MAML2: variants seen among roughly 807,000 people sequenced by gnomAD.
MAML2 encodes the protein mastermind like transcriptional coactivator 2, also known as mastermind-like protein 2.
In MAML2, 22 loss-of-function variants were observed where a neutral mutation model predicts 96.1. The ratio of observed to expected loss-of-function variants is 0.23; its 90% confidence interval spans 0.16 to 0.33. The LOEUF (loss-of-function observed/expected upper bound fraction) is 0.33. Among genes scored for constraint, MAML2 ranks in the 10% least tolerant of loss-of-function variants. The probability of loss-of-function intolerance (pLI) is 1.00; values close to 1 mark genes in which losing one functional copy is unlikely to be tolerated. For missense variants in MAML2, 1,367 were observed against 1,392.4 expected (o/e 0.98, Z 0.29); for synonymous variants, 561 against 521.3 (o/e 1.08, Z -1.04).
chr11:96,152,742 T>A (rs1860944004), intron 1 of MAML2, among the ~76,000 whole-genome samples: 1 of 152,238 alleles, frequency 6.6e-6, no homozygotes, highest in Admixed American at 6.5e-5. Context: ...GTTCACAGAA[T>A]GCTGATTTGG....
At chr11:96,051,904 G>T (rs924441385) in intron 2 of MAML2, among the ~76,000 whole-genome samples, 2 of 152,130 alleles carry the variant, frequency 1.3e-5, no homozygotes, top group Non-Finnish European at 2.9e-5. Flanking sequence ...GTTCTGAAGG[G>T]CCTGGCTCAC....
At chr11:96,331,791 G>A (rs1350109090) in intron 1 of MAML2, among the ~76,000 whole-genome samples, 4 of 147,598 alleles carry the variant, frequency 2.7e-5, no homozygotes, top group African/African-American at 1.0e-4. Flanking sequence ...GCACTCCAGC[G>A]TGGGCGAAAG....
At chr11:96,204,936 G>A (rs1465621323) in intron 1 of MAML2, among the ~76,000 whole-genome samples, 2 of 152,160 alleles carry the variant, frequency 1.3e-5, no homozygotes, top group East Asian at 3.8e-4. Context: ...TGATCGGAGG[G>A]CCTCTTGAAA....
intron 1 of MAML2, among the ~76,000 whole-genome samples, chr11:96,336,759 G>A (rs1863925589): frequency 6.6e-6 from 1 of 152,024 alleles, no homozygotes; most frequent in Non-Finnish European, 1.5e-5. Flanking sequence ...GCTAATTATG[G>A]CCACTCTTTT....
At position 96,243,310 on chromosome 11, in the gene MAML2, G is replaced by C. The variant is rs191466966; in HGVS notation, c.513+98073C>G. On this transcript the variant is annotated intron_variant, in intron 1 of 4. Transcript: ENST00000524717. The stretch of plus-strand genomic sequence containing the variant: ...CCTCCAGACCAATGAGAAGGAAGCA[G>C]AGCAAGGAGGCGGGGGAGGCGGGGT... Among the ~76,000 whole-genome samples the C allele has an allele frequency of 5.6e-3, 853 of 152,368 alleles. 3 individuals are homozygous for C. The highest frequency in any genetic ancestry group is 9.7e-3 in the Non-Finnish European group (662 of 68,034).
chr11:96,309,046 CAG>C (rs772529458), intron 1 of MAML2, among the ~76,000 whole-genome samples: 17 of 152,222 alleles, frequency 1.1e-4, no homozygotes, highest in Non-Finnish European at 2.4e-4. Flanking sequence ...TTCAGCAAAA[CAG>C]AGAAGTAAAA....
At chr11:96,216,057 T>G (rs1263511509) in intron 1 of MAML2, among the ~76,000 whole-genome samples, 1 of 152,118 alleles carries the variant, frequency 6.6e-6, no homozygotes, top group Non-Finnish European at 1.5e-5. Context: ...AATAGAGTAT[T>G]TAGTATCATA....
At chr11:96,330,133 C>T (rs542664486) in intron 1 of MAML2, among the ~76,000 whole-genome samples, 6 of 152,264 alleles carry the variant, frequency 3.9e-5, no homozygotes, top group African/African-American at 7.2e-5. Flanking sequence ...GGAATGACAG[C>T]ATCACCCAGG....
intron 1 of MAML2, among the ~76,000 whole-genome samples, chr11:96,181,701 G>T (rs548569261): frequency 8.2e-6 from 1 of 122,504 alleles, no homozygotes; most frequent in African/African-American, 3.2e-5. Context: ...TCACACACTG[G>T]GCAATGAATG....
intron 1 of MAML2, among the ~76,000 whole-genome samples, chr11:96,196,833 A>T (rs1430377203): frequency 7.0e-6 from 1 of 143,684 alleles, no homozygotes; most frequent in Non-Finnish European, 1.5e-5. Context: ...TGTTCTCCCC[A>T]CCTATACCTT....
chr11:96,122,000 C>G (rs545885745), intron 1 of MAML2, among the ~76,000 whole-genome samples: 1 of 99,928 alleles, frequency 1.0e-5, no homozygotes, highest in Non-Finnish European at 1.8e-5. Context: ...TTAGTAGAGA[C>G]GGGGTTTCAC....
At chr11:96,301,370 C>T (rs1863384437) in intron 1 of MAML2, among the ~76,000 whole-genome samples, 1 of 152,118 alleles carries the variant, frequency 6.6e-6, no homozygotes, top group African/African-American at 2.4e-5. Flanking sequence ...AGAATGAGGG[C>T]CTCCTTACAT....
intron 1 of MAML2, among the ~76,000 whole-genome samples, chr11:96,175,250 A>C (rs1028591097): frequency 6.6e-6 from 1 of 152,268 alleles, no homozygotes; most frequent in Non-Finnish European, 1.5e-5. Flanking sequence ...GTTTTCTTGC[A>C]GTAGAGATGC....
chr11:96,014,886 G>A (rs1858320182), intron 2 of MAML2, among the ~76,000 whole-genome samples: 1 of 152,210 alleles, frequency 6.6e-6, no homozygotes, highest in African/African-American at 2.4e-5. Flanking sequence ...ATGCATGTTT[G>A]AGTCATTAAT....
rs796844514 is a variant in MAML2 at position 96,043,372 on chromosome 11, A to G, written c.2139+48520T>C. On this transcript the variant is annotated intron_variant, in intron 2 of 4. Coordinates refer to ENST00000524717, the MANE Select transcript of MAML2 (RefSeq NM_032427.4). ...CAGGAACAGAAAAGTACTTCAAAAGAAGGAACAACATAAAGAAGCCTTATA... is the reference window on the plus strand; with the variant it reads ...CAGGAACAGAAAAGTACTTCAAAAGGAGGAACAACATAAAGAAGCCTTATA... Among the ~76,000 whole-genome samples, 3 of 152,212 alleles carry G rather than the reference A, an allele frequency of 2.0e-5. No individual in the cohort carries two copies. The South Asian group carries it at 6.2e-4, about 32-fold the overall frequency.
intron 2 of MAML2, among the ~76,000 whole-genome samples, chr11:96,058,584 G>A (rs1859105826): frequency 6.6e-6 from 1 of 152,186 alleles, no homozygotes; most frequent in South Asian, 2.1e-4. Flanking sequence ...CTCCCAAAGT[G>A]CTGGGATTAC....
chr11:95,991,801 G>A, intron 2 of MAML2, 78 bp from the exon 3 acceptor site: 1 of 1,072,518 alleles, frequency 9.3e-7, no homozygotes, highest in Non-Finnish European at 1.4e-6. Context: ...CATACACTCA[G>A]ATTCCAAACA....
At chr11:96,089,487 T>C (rs572443924) in intron 2 of MAML2, among the ~76,000 whole-genome samples, 1 of 152,314 alleles carries the variant, frequency 6.6e-6, no homozygotes, top group African/African-American at 2.4e-5. Context: ...AAAATTGCCC[T>C]GATAGGATGA....
intron 2 of MAML2, among the ~76,000 whole-genome samples, chr11:96,034,714 G>A (rs1012089090): frequency 1.3e-5 from 2 of 151,976 alleles, no homozygotes; most frequent in Admixed American, 6.6e-5. Context: ...TTAGCATCAC[G>A]AGAAATCTTA....
Sources: gnomAD v4.1 joint callset for allele counts (sites outside exome capture counted in the v4.1 genomes callset) on GRCh38, gnomAD v4.1.1 for gene constraint, MANE v1.5 for transcripts, NCBI Gene and HGNC (gene_info 2026-07-23, HGNC 2026-07-21) for gene names.